Variants in ST6GALNAC1 observed in about 807,000 individuals in gnomAD.
ST6GALNAC1 encodes ST6 N-acetylgalactosaminide alpha-2,6-sialyltransferase 1, also known as alpha-N-acetylgalactosaminide alpha-2,6-sialyltransferase 1.
Under a neutral mutation model 56.8 loss-of-function variants are expected in ST6GALNAC1, and 45 were observed. The ratio of observed to expected loss-of-function variants is 0.79; its 90% CI spans 0.62 to 1.02. ST6GALNAC1 has a LOEUF of 1.02. ST6GALNAC1 is among the 50% of genes least tolerant of loss of function. The pLI, the probability that ST6GALNAC1 is intolerant of heterozygous loss-of-function variation, is 0.00. For missense variants in ST6GALNAC1, 743 were observed against 754.8 expected, an observed-to-expected ratio of 0.98 and a Z score of 0.18; for synonymous variants, 295 against 297.8, an observed-to-expected ratio of 0.99 and a Z score of 0.10.
downstream of ST6GALNAC1, among the ~76,000 whole-genome samples, chr17:76,620,383 A>G (rs1379586958): frequency 1.3e-5 from 2 of 151,836 alleles, no homozygotes; most frequent in African/African-American, 2.4e-5. Context: ...CAATTTTAGT[A>G]TTTTTCCCCA....
At chr17:76,622,773 T>C (rs576315109), downstream of ST6GALNAC1, among the ~76,000 whole-genome samples, 237 of 150,884 alleles carry the variant, frequency 1.6e-3, 2 homozygotes, top group South Asian at 0.046. Context: ...TACTCACCCA[T>C]GAATTCTTAG....
chr17:76,639,022 G>A (rs779599321), intron 1 of ST6GALNAC1, among the ~76,000 whole-genome samples: 4 of 152,038 alleles, frequency 2.6e-5, no homozygotes, highest in Non-Finnish European at 5.9e-5. Context: ...ATCCTAAACC[G>A]TTGCAATGGT....
chr17:76,627,695 G>A lies in ST6GALNAC1; in HGVS notation c.832-112C>T, dbSNP rs2143425576. The A allele has an allele frequency of 2.1e-6, 2 of 936,534 alleles. No individual in the cohort carries two copies. The highest frequency in any genetic ancestry group is 3.2e-6 in the Non-Finnish European group (2 of 616,076). 58.0% of individuals were successfully genotyped at this position (936,534 alleles called of 1,614,324 possible). A position where few individuals can be genotyped will look rare whatever the true frequency, so the allele number is the denominator to read the frequency against. ...TCGCAGTTTGGAAGGCGCGGCCTCT[G>A]CTACCTCTTCCATTCTGTTCTCAGG... On this transcript the variant is annotated intron_variant, in intron 2 of 8. Coordinates refer to ENST00000156626, the MANE Select transcript of ST6GALNAC1 (RefSeq NM_018414.5). The surrounding 1 kb of genome is among the most constrained non-coding windows in gnomAD (Gnocchi z 4.4).
intron 1 of ST6GALNAC1, among the ~76,000 whole-genome samples, chr17:76,631,090 TGTGTGTGC>T (rs1313429937): frequency 8.2e-5 from 12 of 145,848 alleles, no homozygotes; most frequent in Admixed American, 7.4e-4. Context: ...TGTGTGTGTG[TGTGTGTGC>T]ACGCGTGCGC....
chr17:76,641,710 C>T (rs1038040330), intron 1 of ST6GALNAC1: 4 of 152,108 alleles, frequency 2.6e-5, no homozygotes, highest in African/African-American at 9.7e-5. Context: ...ATTGTCTTGG[C>T]AATTCCACTT....
chr17:76,629,783 G>GTT (rs879066241), intron 1 of ST6GALNAC1, 72 bp from the exon 2 acceptor site: 16,337 of 722,080 alleles, frequency 0.023, 1 homozygote, highest in Non-Finnish European at 0.026. Context: ...GTAGTTTTTT[G>GTT]TTTTTTTTTT....
chr17:76,619,740 GTTTTTTTTTT>G, the ST6GALNAC1 span, among the ~76,000 whole-genome samples: 1 of 101,572 alleles, frequency 9.8e-6, no homozygotes, highest in Non-Finnish European at 1.9e-5. Context: ...AATAATGTTA[GTTTTTTTTTT>G]TTTTTTTTTT....
chr17:76,636,738 C>T (rs1190109891), intron 1 of ST6GALNAC1, among the ~76,000 whole-genome samples: 1 of 152,178 alleles, frequency 6.6e-6, no homozygotes, highest in Admixed American at 6.5e-5. Context: ...TGAGGAGCCC[C>T]TCTGCCCGGC....
At position 76,625,120 on chromosome 17, in the gene ST6GALNAC1, A is replaced by T; in HGVS notation, c.*210T>A. On this transcript the variant is annotated 3_prime_UTR_variant, in exon 9 of 9. Coordinates refer to ENST00000156626, the MANE Select transcript of ST6GALNAC1 (RefSeq NM_018414.5). The stretch of plus-strand genomic sequence containing the variant: ...TTAATTAAAAATCCCTGGCCTCAGG[A>T]CCTACAGCAATGTACTGAAGAACTT... 1 of 594,962 alleles carries T rather than the reference A, an allele frequency of 1.7e-6. No individual in the cohort carries two copies. Among genetic ancestry groups the T allele is most frequent in the Non-Finnish European group, 3.0e-6 (1 of 337,590 alleles). 36.9% of individuals were successfully genotyped at this position (594,962 alleles called of 1,614,324 possible). A position where few individuals can be genotyped will look rare whatever the true frequency, so the allele number is the denominator to read the frequency against.
the ST6GALNAC1 span, among the ~76,000 whole-genome samples, chr17:76,617,484 C>T: frequency 6.6e-6 from 1 of 152,156 alleles, no homozygotes; most frequent in African/African-American, 2.4e-5. Flanking sequence ...TGTGGGCCAC[C>T]TCCCCATGCA....
At position 76,627,696 on chromosome 17, in the gene ST6GALNAC1, C is replaced by A; in HGVS notation, c.832-113G>T. Reference sequence around the variant, plus strand: ...CGCAGTTTGGAAGGCGCGGCCTCTGCTACCTCTTCCATTCTGTTCTCAGGG... The same window carrying A: ...CGCAGTTTGGAAGGCGCGGCCTCTGATACCTCTTCCATTCTGTTCTCAGGG... On this transcript the variant is annotated intron_variant, in intron 2 of 8. Transcript: ENST00000156626. The surrounding 1 kb of genome is among the most constrained non-coding windows in gnomAD (Gnocchi z 4.4). 1 of 913,688 alleles carries A rather than the reference C, an allele frequency of 1.1e-6. No homozygotes were observed. The allele number at this position is 913,688 out of a possible 1,614,324, so 56.6% of individuals were successfully genotyped here. A position where few individuals can be genotyped will look rare whatever the true frequency, so the allele number is the denominator to read the frequency against.
At chr17:76,619,743 T>G in the ST6GALNAC1 span, among the ~76,000 whole-genome samples, 2,676 of 101,880 alleles carry the variant, frequency 0.026, 82 homozygotes, top group African/African-American at 0.082. Flanking sequence ...AATGTTAGTT[T>G]TTTTTTTTTT....
Position 76,643,742 on chromosome 17 carries a change from C to A in ST6GALNAC1, c.-104G>T. On this transcript the variant is annotated 5_prime_UTR_variant, in exon 1 of 9. Transcript: ENST00000156626. ...GGTTTCCTGGCCAGGAAGTGCACACCCTTTGTCTTAACAATGAGCCACTCC... is the reference window on the plus strand; with the variant it reads ...GGTTTCCTGGCCAGGAAGTGCACACACTTTGTCTTAACAATGAGCCACTCC... The A allele has an allele frequency of 1.7e-6, 2 of 1,211,130 alleles. No individual in the cohort carries two copies. Among genetic ancestry groups the A allele is most frequent in the African/African-American group, 1.5e-5 (1 of 65,214 alleles). 75.0% of individuals were successfully genotyped at this position (1,211,130 alleles called of 1,614,324 possible).
chr17:76,626,725 A>T lies in ST6GALNAC1; in HGVS notation c.1237T>A (p.Phe413Ile). The change falls in exon 5 of 9, where the codon TTT (phenylalanine) becomes ATT (isoleucine). Residue 413 changes from phenylalanine (F) to isoleucine (I), a missense_variant. By Grantham distance (21) the Phe-to-Ile change is conservative. Transcript: ENST00000156626. Reference sequence around the variant, plus strand: ...GACTGGGTCAGGGAGAAGGCGGTAAAGCCGTAGAAGGATGTCCGAGTCCCC... The same window carrying T: ...GACTGGGTCAGGGAGAAGGCGGTAATGCCGTAGAAGGATGTCCGAGTCCCC... ...DVGTRTSFYG[F>I]TAFSLTQSLL... 6.2e-7 allele frequency: 1 copy of T among 1,614,208 alleles called. No individual in the cohort carries two copies. The highest frequency in any genetic ancestry group is 8.5e-7 in the Non-Finnish European group (1 of 1,180,026).
chr17:76,642,021 A>G (rs1330029710), intron 1 of ST6GALNAC1: 2 of 150,230 alleles, frequency 1.3e-5, no homozygotes, highest in African/African-American at 4.9e-5. Flanking sequence ...ATATGTGTAT[A>G]TATCTATATC....
intron 1 of ST6GALNAC1, chr17:76,637,368 G>T: frequency 1.0e-5 from 1 of 100,414 alleles, no homozygotes; most frequent in Non-Finnish European, 1.9e-5. Flanking sequence ...AAAAAAAAAA[G>T]ACATAGAACA....
chr17:76,629,458 T>C lies in ST6GALNAC1; in HGVS notation c.385A>G (p.Lys129Glu), dbSNP rs2075860775. The change falls in exon 2 of 9, where the codon AAA becomes GAA. Residue 129 changes from lysine to glutamate, a missense_variant. By Grantham distance (56) the Lys-to-Glu change is moderately conservative. Transcript: ENST00000156626. ...AQRAAWKSPE[K>E]EKTMVNTLSP... Reference sequence around the variant, plus strand: ...AGTGTGTTCACCATGGTTTTCTCTTTTTCTGGGCTCTTCCATGCTGCCCTC... The same window carrying C: ...AGTGTGTTCACCATGGTTTTCTCTTCTTCTGGGCTCTTCCATGCTGCCCTC... 6.2e-7 allele frequency: 1 copy of C among 1,614,126 alleles called. No individual in the cohort carries two copies. The highest frequency in any genetic ancestry group is 1.7e-5 in the Admixed American group (1 of 60,014).
At position 76,625,198 on chromosome 17, in the gene ST6GALNAC1, A is replaced by G. The variant is rs1233773496; in HGVS notation, c.*132T>C. On this transcript the variant is annotated 3_prime_UTR_variant, in exon 9 of 9. Transcript: ENST00000156626. ...TTGAGAGAGTCTTGTCCATGGTTCAAGTGTTCCCTTGGAACTCCTGAAGGG... is the reference window on the plus strand; with the variant it reads ...TTGAGAGAGTCTTGTCCATGGTTCAGGTGTTCCCTTGGAACTCCTGAAGGG... 1.9e-5 allele frequency: 17 copies of G among 910,970 alleles called. No individual in the cohort carries two copies. The highest frequency in any genetic ancestry group is 2.6e-5 in the Non-Finnish European group (16 of 612,750). 56.4% of individuals were successfully genotyped at this position (910,970 alleles called of 1,614,324 possible). A position where few individuals can be genotyped will look rare whatever the true frequency, so the allele number is the denominator to read the frequency against.
rs574864241 is a variant in ST6GALNAC1, at chr17:76,629,790, T to G, written c.132-79A>C. ...AAGCATAAGTAGTTTTTTGTTTTTT[T>G]TTTTTTTTTTGAGACACAGTCTTGC... On this transcript the variant is annotated intron_variant, in intron 1 of 8. Transcript: ENST00000156626. The G allele has an allele frequency of 4.9e-4, 577 of 1,188,152 alleles. 1 individual carries two copies. The highest frequency in any genetic ancestry group is 6.3e-4 in the South Asian group (42 of 66,504). 73.6% of individuals were successfully genotyped at this position (1,188,152 alleles called of 1,614,324 possible). A position where few individuals can be genotyped will look rare whatever the true frequency, so the allele number is the denominator to read the frequency against.
Sources: gnomAD v4.1 joint callset for allele counts (sites outside exome capture counted in the v4.1 genomes callset) on GRCh38, gnomAD v4.1.1 for gene constraint, Gnocchi (gnomAD v3.1) non-coding constraint, MANE v1.5 for transcripts, NCBI Gene and HGNC (gene_info 2026-07-23, HGNC 2026-07-21) for gene names.